The following MLLT10 variants were observed in gnomAD, a reference collection of about 807,000 sequenced individuals.
MLLT10 encodes the protein protein AF-10.
Under a neutral mutation model 129.1 loss-of-function variants are expected in MLLT10, and 30 were observed. That is an observed-to-expected ratio of 0.23 (90% confidence interval 0.17 to 0.32). The LOEUF (loss-of-function observed/expected upper bound fraction) is 0.32. Among genes scored for constraint, MLLT10 ranks in the 10% least tolerant of loss-of-function variants. The probability of loss-of-function intolerance (pLI) is 1.00; values close to 1 mark genes in which losing one functional copy is unlikely to be tolerated. For synonymous variants in MLLT10, 490 were observed against 446.4 expected, an observed-to-expected ratio of 1.10 and a Z score of -1.23; for missense variants, 1,119 against 1,268.3, an observed-to-expected ratio of 0.88 and a Z score of 1.79.
chr10:21,560,712 G>T (rs770884282), intron 3 of MLLT10, among the ~76,000 whole-genome samples: 1 of 152,090 alleles, frequency 6.6e-6, no homozygotes, highest in African/African-American at 2.4e-5. Flanking sequence ...CCTCCCCAAA[G>T]TATTAGGATT....
chr10:21,735,150 T>A lies in MLLT10; in HGVS notation c.2870T>A (p.Leu957Gln), dbSNP rs1226145932. ...TAATCATTTTTCAGTGCCTCAGGAC[T>A]AGGATTACTTTCTGACCAGCAACGA... is the stretch of plus-strand genomic sequence containing the variant. The part of the protein sequence containing the change: ...PATLTNSASG[L>Q]GLLSDQQRQI... The change falls in exon 21 of 23, where the codon CTA (leucine) becomes CAA (glutamine). Residue 957 changes from leucine to glutamine, a missense_variant. By Grantham distance (113) the Leu-to-Gln change is moderately radical. Coordinates refer to ENST00000307729, the MANE Select transcript of MLLT10 (RefSeq NM_001195626.3). 6.2e-7 allele frequency: 1 copy of A among 1,613,580 alleles called. No individual in the cohort carries two copies. Among genetic ancestry groups the A allele is most frequent in the East Asian group, 2.2e-5 (1 of 44,860 alleles).
intron 3 of MLLT10, among the ~76,000 whole-genome samples, chr10:21,584,635 T>C (rs71382489): frequency 6.6e-6 from 1 of 152,016 alleles, no homozygotes; most frequent in African/African-American, 2.4e-5. Context: ...TTATGGCTTA[T>C]GCTTTCTGTA....
intron 5 of MLLT10, among the ~76,000 whole-genome samples, chr10:21,596,120 T>A (rs2042995365): frequency 6.6e-6 from 1 of 152,102 alleles, no homozygotes; most frequent in South Asian, 2.1e-4. Flanking sequence ...CCTTTTTATT[T>A]TGTAATTAAT....
At chr10:21,707,349 T>C (rs1469805727) in intron 13 of MLLT10, among the ~76,000 whole-genome samples, 1 of 151,802 alleles carries the variant, frequency 6.6e-6, no homozygotes, top group Non-Finnish European at 1.5e-5. Context: ...CGCGCCACCA[T>C]GCCCGGCTAA....
rs763238812 is a variant in MLLT10 at position 21,713,732 on chromosome 10, ACTG to A, written c.1700-37_1700-35del. ...ATTATGTGTGTCTGTGACAAATTTG[ACTG>A]CTAAGTTATATTTAAATAACATTTG... On this transcript the variant is annotated intron_variant, in intron 13 of 22. Coordinates refer to ENST00000307729, the MANE Select transcript of MLLT10 (RefSeq NM_001195626.3). 129 of 1,559,026 alleles carry A rather than the reference ACTG, an allele frequency of 8.3e-5. No homozygotes were observed. In the South Asian group the frequency reaches 1.1e-3, roughly 13 times the overall value.
chr10:21,584,443 G>A (rs1159951806), intron 3 of MLLT10, among the ~76,000 whole-genome samples: 3 of 152,160 alleles, frequency 2.0e-5, no homozygotes, highest in Non-Finnish European at 2.9e-5. Context: ...GATTATAGGC[G>A]TGAGCCACCG....
intron 3 of MLLT10, among the ~76,000 whole-genome samples, chr10:21,578,183 C>T (rs2040996057): frequency 6.6e-6 from 1 of 152,232 alleles, no homozygotes; most frequent in Non-Finnish European, 1.5e-5. Context: ...GCGTGAGCCA[C>T]TGCACCTGGC....
At chr10:21,631,481 ATTAGTCCATTC>A (rs1205551533) in intron 8 of MLLT10, among the ~76,000 whole-genome samples, 1 of 150,456 alleles carries the variant, frequency 6.6e-6, no homozygotes, top group Non-Finnish European at 1.5e-5. Context: ...TGGAGGCTGT[ATTAGTCCATTC>A]TCACACTGCT....
intron 3 of MLLT10, among the ~76,000 whole-genome samples, chr10:21,570,994 G>GA (rs2040139215): frequency 6.6e-6 from 1 of 152,146 alleles, no homozygotes; most frequent in South Asian, 2.1e-4. Context: ...TGAGTTGCTT[G>GA]AAAACAGTTT....
At chr10:21,703,819 C>G (rs749808471) in intron 13 of MLLT10, among the ~76,000 whole-genome samples, 31 of 152,018 alleles carry the variant, frequency 2.0e-4, no homozygotes, top group Non-Finnish European at 3.7e-4. Flanking sequence ...GCTGGGATTA[C>G]AGGTGTGAGC....
chr10:21,702,623 T>C (rs1475170661), intron 13 of MLLT10, among the ~76,000 whole-genome samples: 2 of 152,218 alleles, frequency 1.3e-5, no homozygotes, highest in Non-Finnish European at 2.9e-5. Flanking sequence ...GGTGCATATA[T>C]ATTTAGAATT....
At chr10:21,655,702 T>C (rs1369008230) in intron 9 of MLLT10, among the ~76,000 whole-genome samples, 1 of 152,144 alleles carries the variant, frequency 6.6e-6, no homozygotes, top group Non-Finnish European at 1.5e-5. Context: ...TAGAGAGTTG[T>C]AGAATTAACA....
intron 13 of MLLT10, among the ~76,000 whole-genome samples, chr10:21,702,452 A>C (rs535323326): frequency 6.6e-6 from 1 of 152,196 alleles, no homozygotes; most frequent in African/African-American, 2.4e-5. Context: ...TTTGGTCTAA[A>C]GTCTAGTTGG....
At chr10:21,688,055 C>T (rs1589647769) in intron 13 of MLLT10, among the ~76,000 whole-genome samples, 1 of 152,290 alleles carries the variant, frequency 6.6e-6, no homozygotes, top group South Asian at 2.1e-4. Context: ...GGGATAAACA[C>T]ATTTGGCTGG....
At chr10:21,713,748 T>C (rs888754459) in intron 13 of MLLT10, 24 bp from the exon 14 acceptor site, 1 of 1,595,738 alleles carries the variant, frequency 6.3e-7, no homozygotes, top group African/African-American at 1.3e-5. Flanking sequence ...AAGTTATATT[T>C]AAATAACATT....
intron 8 of MLLT10, among the ~76,000 whole-genome samples, chr10:21,619,198 CAG>C (rs914865231): frequency 2.0e-5 from 3 of 152,064 alleles, no homozygotes; most frequent in Admixed American, 1.3e-4. Flanking sequence ...TAAAAAATAG[CAG>C]AGTTAGTTTA....
Position 21,536,410 on chromosome 10 carries a change from CAA to C in MLLT10, c.160+1609_160+1610del, listed in dbSNP as rs1405096531. On this transcript the variant is annotated intron_variant, in intron 2 of 22. Transcript: ENST00000307729. Reference sequence around the variant, plus strand: ...TCTTATGAATTGGATGATAAACTATCAAAATTTGATAATTTCTATGTCCCAAT... The same window carrying C: ...TCTTATGAATTGGATGATAAACTATCAATTTGATAATTTCTATGTCCCAAT... Among the ~76,000 whole-genome samples, 3 of 152,282 alleles carry C rather than the reference CAA, an allele frequency of 2.0e-5. No individual in the cohort carries two copies. In the East Asian group the frequency reaches 5.8e-4, roughly 29 times the overall value.
rs1419540266 is a variant in MLLT10, at chr10:21,689,659, A to ATT, written c.1699+7403_1699+7404insTT. On this transcript the variant is annotated intron_variant, in intron 13 of 22. Transcript: ENST00000307729. The stretch of plus-strand genomic sequence containing the variant: ...CACACATTTATATATATATATATAT[A>ATT]TATTTTTTTTTTCTTGGCATGTTTT... Among the ~76,000 whole-genome samples, 151 of 141,832 alleles carry ATT rather than the reference A, an allele frequency of 1.1e-3. 1 individual carries two copies. Among genetic ancestry groups the ATT allele is most frequent in the African/African-American group, 3.7e-3 (142 of 38,078 alleles). The allele number at this position is 141,832 out of a possible 152,430, so 93.0% of individuals were successfully genotyped here. A position where few individuals can be genotyped will look rare whatever the true frequency, so the allele number is the denominator to read the frequency against.
chr10:21,701,588 A>T (rs547384992), intron 13 of MLLT10, among the ~76,000 whole-genome samples: 70 of 151,910 alleles, frequency 4.6e-4, no homozygotes, highest in African/African-American at 1.6e-3. Context: ...TGTTATTAAA[A>T]ATATATATAT....
Sources: gnomAD v4.1 joint callset for allele counts (sites outside exome capture counted in the v4.1 genomes callset) on GRCh38, gnomAD v4.1.1 for gene constraint, MANE v1.5 for transcripts, NCBI Gene and HGNC (gene_info 2026-07-23, HGNC 2026-07-21) for gene names.